SMURF1: variants seen among roughly 807,000 people sequenced by gnomAD.
SMURF1 encodes the protein E3 ubiquitin-protein ligase SMURF1.
Under a neutral mutation model 98.0 loss-of-function variants are expected in SMURF1, and 44 were observed. The observed-to-expected ratio is 0.45, with a 90% CI of 0.35 to 0.58. The LOEUF (loss-of-function observed/expected upper bound fraction) is 0.58. SMURF1 is among the 20% of genes least tolerant of loss of function. The probability of loss-of-function intolerance (pLI) is 0.00; values close to 1 mark genes in which losing one functional copy is unlikely to be tolerated. For missense variants in SMURF1, 687 were observed against 938.4 expected, an observed-to-expected ratio of 0.73 and a Z score of 3.50; for synonymous variants, 396 against 374.9, an observed-to-expected ratio of 1.06 and a Z score of -0.65.
intron 1 of SMURF1, among the ~76,000 whole-genome samples, chr7:99,090,682 T>C (rs1351317447): frequency 1.3e-5 from 2 of 152,140 alleles, no homozygotes; most frequent in African/African-American, 4.8e-5. Flanking sequence ...GCTTTTGGAG[T>C]TCCTGTATGT....
intron 1 of SMURF1, among the ~76,000 whole-genome samples, chr7:99,135,821 G>A (rs1014675993): frequency 6.6e-6 from 1 of 152,170 alleles, no homozygotes. Flanking sequence ...GTGCCAAACT[G>A]CTCTTGGTAC....
chr7:99,066,272 C>T (rs1796191115), intron 1 of SMURF1, among the ~76,000 whole-genome samples: 1 of 152,108 alleles, frequency 6.6e-6, no homozygotes, highest in Non-Finnish European at 1.5e-5. Context: ...CCCTCCCAAC[C>T]TCCCTGTGCA....
At chr7:99,051,575 T>A in intron 7 of SMURF1, 134 bp from the exon 8 acceptor site, 1 of 716,108 alleles carries the variant, frequency 1.4e-6, no homozygotes, top group Non-Finnish European at 2.4e-6. Context: ...TTCTTCTCTC[T>A]GAGGTGGCCG....
At chr7:99,091,907 A>G (rs1360922770) in intron 1 of SMURF1, among the ~76,000 whole-genome samples, 1 of 152,144 alleles carries the variant, frequency 6.6e-6, no homozygotes, top group Non-Finnish European at 1.5e-5. Context: ...TGGGACCTGA[A>G]GCCAGACATA....
At chr7:99,141,885 T>C (rs1274894010) in intron 1 of SMURF1, among the ~76,000 whole-genome samples, 1 of 152,214 alleles carries the variant, frequency 6.6e-6, no homozygotes, top group Non-Finnish European at 1.5e-5. Flanking sequence ...ACTGAGCCAC[T>C]GAACAGAAAA....
rs538104104 is a variant in SMURF1 at position 99,130,768 on chromosome 7, T to A, written c.55+12958A>T. Among the ~76,000 whole-genome samples the A allele has an allele frequency of 6.6e-4, 101 of 152,324 alleles. 2 individuals are homozygous for A. The highest frequency in any genetic ancestry group is 2.3e-3 in the African/African-American group (97 of 41,582). ...TTATTTATTGATTGCCCACCTGGCATCCATATTCCTGTTCCCCCAAACAAC... is the reference window on the plus strand; with the variant it reads ...TTATTTATTGATTGCCCACCTGGCAACCATATTCCTGTTCCCCCAAACAAC... On this transcript the variant is annotated intron_variant, in intron 1 of 17. Transcript: ENST00000361368.
In SMURF1 at chr7:99,121,782, A is replaced by G. The variant is rs115436412; in HGVS notation, c.55+21944T>C. Among the ~76,000 whole-genome samples the G allele has an allele frequency of 4.7e-3, 715 of 152,296 alleles. 7 individuals carry two copies. The highest frequency in any genetic ancestry group is 0.016 in the African/African-American group (679 of 41,560). ...CTCTTGGCGCATTGCTGAGAGATAA[A>G]ATCATAGCAGTCTGGAAACTGTACA... is the stretch of plus-strand genomic sequence containing the variant. On this transcript the variant is annotated intron_variant, in intron 1 of 17. Coordinates refer to ENST00000361368, the MANE Select transcript of SMURF1 (RefSeq NM_181349.3).
At chr7:99,035,319 G>T (rs115120337) in intron 16 of SMURF1, 196 bp downstream of exon 16, 2 of 688,354 alleles carry the variant, frequency 2.9e-6, no homozygotes, top group Non-Finnish European at 4.8e-6. Context: ...TTTGCTCAGC[G>T]GGGCCCCACA....
rs563588899 is a variant in SMURF1 at position 99,072,729 on chromosome 7, A to C, written c.56-10892T>G. Among the ~76,000 whole-genome samples, 6 of 152,054 alleles carry C rather than the reference A, an allele frequency of 3.9e-5. No individual in the cohort carries two copies. In the South Asian group the frequency reaches 6.2e-4, roughly 16 times the overall value. On this transcript the variant is annotated intron_variant, in intron 1 of 17. Coordinates refer to ENST00000361368, the MANE Select transcript of SMURF1 (RefSeq NM_181349.3). ...AAAAACCCCACACGTGGCTATGAAA[A>C]CCCCAGGAAATACACACAATCTTCT...
intron 1 of SMURF1, among the ~76,000 whole-genome samples, chr7:99,112,270 C>T (rs1797341866): frequency 6.6e-6 from 1 of 152,212 alleles, no homozygotes; most frequent in African/African-American, 2.4e-5. Flanking sequence ...AAATGCCTGG[C>T]TGCACCTTGA....
intron 8 of SMURF1, chr7:99,050,742 C>G (rs3294): frequency 0.39 from 220,710 of 559,798 alleles, 47,810 homozygotes; most frequent in African/African-American, 0.73. Context: ...TAAACATAGT[C>G]TTGGAAAATC....
At chr7:99,128,860 G>A (rs1244361519) in intron 1 of SMURF1, among the ~76,000 whole-genome samples, 1 of 152,160 alleles carries the variant, frequency 6.6e-6, no homozygotes, top group Non-Finnish European at 1.5e-5. Flanking sequence ...CTAAATCACT[G>A]AAGAAAAGTA....
chr7:99,093,553 T>C (rs530900823), intron 1 of SMURF1, among the ~76,000 whole-genome samples: 19 of 152,114 alleles, frequency 1.2e-4, no homozygotes, highest in Admixed American at 4.6e-4. Context: ...GCCAGAGTCC[T>C]ATAGAAATGG....
At chr7:99,111,899 G>A (rs577758391) in intron 1 of SMURF1, among the ~76,000 whole-genome samples, 8 of 152,306 alleles carry the variant, frequency 5.3e-5, no homozygotes, top group Admixed American at 1.3e-4. Flanking sequence ...CTCTCCCAGG[G>A]CTAAGGTAGA....
intron 17 of SMURF1, among the ~76,000 whole-genome samples, chr7:99,032,423 C>T (rs1438450724): frequency 6.6e-6 from 1 of 152,218 alleles, no homozygotes; most frequent in Non-Finnish European, 1.5e-5. Flanking sequence ...AATCTCAGCA[C>T]TTTGGGAGGC....
intron 1 of SMURF1, among the ~76,000 whole-genome samples, chr7:99,093,737 C>T (rs1326318198): frequency 6.6e-6 from 1 of 151,940 alleles, no homozygotes. Context: ...CAAAGTATGG[C>T]ACTCTATATA....
rs1329476110 is a variant in SMURF1 at position 99,061,908 on chromosome 7, C to T, written c.56-71G>A. The T allele has an allele frequency of 3.5e-6, 4 of 1,138,666 alleles. No homozygotes were observed. In the African/African-American group the frequency reaches 4.7e-5, roughly 13 times the overall value. 70.5% of individuals were successfully genotyped at this position (1,138,666 alleles called of 1,614,324 possible). A position where few individuals can be genotyped will look rare whatever the true frequency, so the allele number is the denominator to read the frequency against. On this transcript the variant is annotated intron_variant, in intron 1 of 17. Coordinates refer to ENST00000361368, the MANE Select transcript of SMURF1 (RefSeq NM_181349.3). ...TTCCATAATAGCTAATCTATATTTA[C>T]ACCCGAACAAAAAGACTCTAAAAAT...
chr7:99,103,047 C>T (rs556676487), intron 1 of SMURF1, among the ~76,000 whole-genome samples: 11 of 152,290 alleles, frequency 7.2e-5, no homozygotes, highest in African/African-American at 2.4e-4. Context: ...AAGCGATCCA[C>T]CCACCTCAGC....
chr7:99,105,962 C>G (rs1206128855), intron 1 of SMURF1, among the ~76,000 whole-genome samples: 4 of 152,198 alleles, frequency 2.6e-5, no homozygotes, highest in Non-Finnish European at 5.9e-5. Flanking sequence ...ATCCGTCATC[C>G]CTTTGCCTAT....
Sources: allele counts gnomAD v4.1 joint callset (sites outside exome capture counted in the v4.1 genomes callset), GRCh38; gene constraint gnomAD v4.1.1; transcripts MANE v1.5; gene names NCBI Gene and HGNC (gene_info 2026-07-23, HGNC 2026-07-21).